Variants in RRP12 observed in about 807,000 individuals in gnomAD.
The protein encoded by RRP12 is RRP12-like protein.
RRP12 carries 78 observed loss-of-function variants against 157.3 expected under a neutral mutation model. That is an observed-to-expected ratio of 0.50 (90% CI 0.41 to 0.60). The LOEUF is 0.60. RRP12 is among the 20% of genes least tolerant of loss of function. RRP12 has a pLI of 0.00. For missense variants in RRP12, 1,521 were observed against 1,679.9 expected (o/e 0.91, Z 1.65); for synonymous variants, 726 against 670.9 (o/e 1.08, Z -1.27).
chr10:97,373,571 G>C lies in RRP12; in HGVS notation c.2026+4C>G. ...CAGCCCCCACTCCCACAGCCCACAC[G>C]TACCTGCCTGGCAGCCCTTGGTGAT... On this transcript the variant is annotated splice_donor_region_variant and intron_variant, in intron 17 of 33. Coordinates refer to ENST00000370992, the MANE Select transcript of RRP12 (RefSeq NM_015179.4). 1 of 1,593,222 alleles carries C rather than the reference G, an allele frequency of 6.3e-7. No homozygotes were observed. The highest frequency in any genetic ancestry group is 8.6e-7 in the Non-Finnish European group (1 of 1,167,180).
chr10:97,374,953 G>A (rs1844265097), intron 15 of RRP12, among the ~76,000 whole-genome samples: 1 of 151,992 alleles, frequency 6.6e-6, no homozygotes, highest in South Asian at 2.1e-4. Context: ...TTAAGATGAG[G>A]AGCAGACCCT....
rs1261771291 is a variant in RRP12 at position 97,378,908 on chromosome 10, T to C, written c.1798+385A>G. ...AAATAAATAAATACACCTAGAAGTATATAAAAGTATATATACATATAAACA... is the reference window on the plus strand; with the variant it reads ...AAATAAATAAATACACCTAGAAGTACATAAAAGTATATATACATATAAACA... On this transcript the variant is annotated intron_variant, in intron 15 of 33. Coordinates refer to ENST00000370992, the MANE Select transcript of RRP12 (RefSeq NM_015179.4). Among the ~76,000 whole-genome samples the C allele has an allele frequency of 2.0e-5, 3 of 152,096 alleles. No homozygotes were observed. The East Asian group carries it at 5.8e-4, about 29-fold the overall frequency.
chr10:97,366,090 C>T lies in RRP12; in HGVS notation c.3517+18G>A, dbSNP rs1843968122. 6.2e-7 allele frequency: 1 copy of T among 1,600,846 alleles called. No individual in the cohort carries two copies. On this transcript the variant is annotated intron_variant, in intron 29 of 33. Coordinates refer to ENST00000370992, the MANE Select transcript of RRP12 (RefSeq NM_015179.4). The stretch of plus-strand genomic sequence containing the variant: ...TAAGTGAACACGGTGAATGAATGGA[C>T]AAGCGCGTTGGGCCCACCTTTGGCA...
intron 30 of RRP12, among the ~76,000 whole-genome samples, chr10:97,361,092 C>G (rs957086656): frequency 1.3e-5 from 2 of 152,186 alleles, no homozygotes; most frequent in Non-Finnish European, 2.9e-5. Flanking sequence ...ACACAGGGCA[C>G]AAGATCTAGT....
Position 97,373,962 on chromosome 10 carries a change from C to G in RRP12, c.1799-68G>C, listed in dbSNP as rs371074189. ...CTGGCCAACAGCCTTATTTACCAAA[C>G]CAAACCAAAAGCCCAATGATGAGGA... On this transcript the variant is annotated intron_variant, in intron 15 of 33. Transcript: ENST00000370992. The G allele has an allele frequency of 6.4e-5, 90 of 1,405,546 alleles. 1 individual carries two copies. The East Asian group carries it at 1.0e-3, about 16-fold the overall frequency. 87.1% of individuals were successfully genotyped at this position (1,405,546 alleles called of 1,614,324 possible).
intron 8 of RRP12, among the ~76,000 whole-genome samples, chr10:97,387,319 CTTTTTTTTCTTTTTCCTTTTT>C (rs1844661013): frequency 6.7e-6 from 1 of 149,774 alleles, no homozygotes; most frequent in Non-Finnish European, 1.5e-5. Flanking sequence ...TTTTTCTTTC[CTTTTTTTTCTTTTTCCTTTTT>C]TTTTTTTTTT....
At chr10:97,383,401 T>C (rs569424838) in intron 10 of RRP12, among the ~76,000 whole-genome samples, 38 of 152,298 alleles carry the variant, frequency 2.5e-4, no homozygotes, top group Non-Finnish European at 4.3e-4. Context: ...GGCTTATAAA[T>C]TGGGGCTAAA....
Position 97,373,079 on chromosome 10 carries a change from G to T in RRP12, c.2148C>A (p.Thr716=). 1.2e-6 allele frequency: 2 copies of T among 1,613,924 alleles called. No homozygotes were observed. The highest frequency in any genetic ancestry group is 1.7e-6 in the Non-Finnish European group (2 of 1,179,862). ...TPAPRRAVLE[T]IRTYLTITDT... ...CAGTGATGGTGAGGTAAGTTCTGAT[G>T]GTTTCCAGCACAGCCCGGCGAGGGG... The change falls in exon 18 of 34, where the codon ACC becomes ACA. Residue 716 remains threonine, a synonymous_variant. Coordinates refer to ENST00000370992, the MANE Select transcript of RRP12 (RefSeq NM_015179.4).
intron 2 of RRP12, among the ~76,000 whole-genome samples, chr10:97,398,599 G>A (rs1181482979): frequency 2.0e-5 from 3 of 151,268 alleles, no homozygotes; most frequent in African/African-American, 4.9e-5. Flanking sequence ...TGCCCACCTC[G>A]GCCTCCCAAA....
intron 2 of RRP12, among the ~76,000 whole-genome samples, chr10:97,398,116 G>T (rs1387998180): frequency 2.5e-5 from 2 of 80,422 alleles, no homozygotes; most frequent in Non-Finnish European, 2.2e-5. Flanking sequence ...CTGCAGTGGC[G>T]CAATCTCGGC....
chr10:97,370,737 G>A lies in RRP12; in HGVS notation c.2562C>T (p.Phe854=), dbSNP rs753061749. 1.9e-6 allele frequency: 3 copies of A among 1,614,114 alleles called. No homozygotes were observed. The highest frequency in any genetic ancestry group is 2.5e-6 in the Non-Finnish European group (3 of 1,180,018). Residue 854 remains phenylalanine, a synonymous_variant, in exon 22 of 34, where the codon TTC becomes TTT. Coordinates refer to ENST00000370992, the MANE Select transcript of RRP12 (RefSeq NM_015179.4). Reference sequence around the variant, plus strand: ...TCACCTCTGGGATGAGGGCAGTGATGAACTCCTTGTGTTCAGCTGAGAGCT... The same window carrying A: ...TCACCTCTGGGATGAGGGCAGTGATAAACTCCTTGTGTTCAGCTGAGAGCT... The part of the protein sequence containing the change: ...VRKLSAEHKE[F]ITALIPEVIL...
At position 97,372,611 on chromosome 10, in the gene RRP12, C is replaced by T. The variant is rs182216319; in HGVS notation, c.2249+125G>A. 9 of 802,168 alleles carry T rather than the reference C, an allele frequency of 1.1e-5. No individual in the cohort carries two copies. In the East Asian group the frequency reaches 1.6e-4, roughly 14 times the overall value. The allele number at this position is 802,168 out of a possible 1,614,324, so 49.7% of individuals were successfully genotyped here. On this transcript the variant is annotated intron_variant, in intron 19 of 33. Transcript: ENST00000370992. ...AGTCAGCACAGCCTCTCAGCACAGC[C>T]TGGAGAGTTAATACTTCAAGGCTTC...
At chr10:97,370,876 TG>T in intron 21 of RRP12, 46 bp downstream of exon 21, 1 of 1,611,100 alleles carries the variant, frequency 6.2e-7, no homozygotes, top group Non-Finnish European at 8.5e-7. Context: ...CCTTTCCTGG[TG>T]TTGCCCAGGC....
rs1485004044 is a variant in RRP12 at position 97,383,354 on chromosome 10, G to A, written c.1209-1528C>T. On this transcript the variant is annotated intron_variant, in intron 10 of 33. Transcript: ENST00000370992. ...CAGAGACCTGGCCTTACTCATCAGG[G>A]CTGTGTGACTAGCTCACTCACAGAG... Among the ~76,000 whole-genome samples, 3 of 152,220 alleles carry A rather than the reference G, an allele frequency of 2.0e-5. No homozygotes were observed. In the South Asian group the frequency reaches 6.2e-4, roughly 32 times the overall value.
chr10:97,378,614 T>C (rs910228636), intron 15 of RRP12, among the ~76,000 whole-genome samples: 2 of 152,114 alleles, frequency 1.3e-5, no homozygotes, highest in East Asian at 3.9e-4. Flanking sequence ...CCCAGCACTT[T>C]GGGAGGCCGA....
chr10:97,364,815 G>C (rs559788047), intron 29 of RRP12, among the ~76,000 whole-genome samples: 27 of 152,294 alleles, frequency 1.8e-4, no homozygotes, highest in Middle Eastern at 6.8e-3. Flanking sequence ...GCCCAGGAAG[G>C]GCTACAAAAG....
In RRP12 at chr10:97,366,381, CCA is replaced by C. The variant is rs1399894609; in HGVS notation, c.3391+63_3391+64del. 1.3e-5 allele frequency: 20 copies of C among 1,557,726 alleles called. No homozygotes were observed. The South Asian group carries it at 2.3e-4, about 18-fold the overall frequency. On this transcript the variant is annotated intron_variant, in intron 28 of 33. Transcript: ENST00000370992. ...TGCCATGGATGCCACCCCCTACCCACCACCTGAGAACCTGGCACCATGGCAAG... is the reference window on the plus strand; with the variant it reads ...TGCCATGGATGCCACCCCCTACCCACCCTGAGAACCTGGCACCATGGCAAG...
chr10:97,360,588 C>G lies in RRP12; in HGVS notation c.3598G>C (p.Glu1200Gln), dbSNP rs1270576839. The G allele has an allele frequency of 6.2e-7, 1 of 1,614,096 alleles. No homozygotes were observed. The highest frequency in any genetic ancestry group is 8.5e-7 in the Non-Finnish European group (1 of 1,179,948). The change falls in exon 31 of 34, where the codon GAG (glutamate) becomes CAG (glutamine). Residue 1200 changes from glutamate (E) to glutamine (Q), a missense_variant. Physicochemically the swap from Glu to Gln is conservative, Grantham distance 29. Coordinates refer to ENST00000370992, the MANE Select transcript of RRP12 (RefSeq NM_015179.4). ...ATCTCCAGCTCCTCCTCCTCAGCCT[C>G]TTTCTGGTGCTTGAGCTTCTGGTGC... ...KKHQKLKHQK[E>Q]AEEEELEIPP...
intron 6 of RRP12, among the ~76,000 whole-genome samples, chr10:97,390,157 T>G (rs1537645): frequency 1.3e-5 from 2 of 151,594 alleles, no homozygotes; most frequent in African/African-American, 4.9e-5. Context: ...CCGAGGTAAA[T>G]AGACATATGG....
Sources: gnomAD v4.1 joint callset for allele counts (sites outside exome capture counted in the v4.1 genomes callset) on GRCh38, gnomAD v4.1.1 for gene constraint, MANE v1.5 for transcripts, NCBI Gene and HGNC (gene_info 2026-07-23, HGNC 2026-07-21) for gene names.